Variants in DNM1 observed in about 807,000 individuals in gnomAD.
DNM1 encodes the protein dynamin 1.
DNM1 carries 29 observed loss-of-function variants against 104.6 expected under a neutral mutation model. That is an observed-to-expected ratio of 0.28 (90% CI 0.21 to 0.38). The LOEUF (loss-of-function observed/expected upper bound fraction) is 0.38, where lower values mean the gene tolerates loss of function less well. Ranked by LOEUF, DNM1 falls within the 10% of genes least tolerant of loss-of-function variation. DNM1 has a pLI of 1.00. For missense variants in DNM1, 640 were observed against 1,189.4 expected (o/e 0.54, Z 6.79); for synonymous variants, 445 against 475.8 (o/e 0.94, Z 0.84).
In DNM1 at chr9:128,245,761, C is replaced by T. The variant is rs970539390; in HGVS notation, c.1672-633C>T. Among the ~76,000 whole-genome samples, 1 of 152,236 alleles carries T rather than the reference C, an allele frequency of 6.6e-6. No homozygotes were observed. Among genetic ancestry groups the T allele is most frequent in the African/African-American group, 2.4e-5 (1 of 41,468 alleles). On this transcript the variant is annotated intron_variant, in intron 15 of 21. Transcript: ENST00000372923. The surrounding 1 kb of genome is among the most constrained non-coding windows in gnomAD (Gnocchi z 5.2). Reference sequence around the variant, plus strand: ...ACATCCACACTGAGATGCAGACACGCTGACACCGACACATGGTTCATGCTG... The same window carrying T: ...ACATCCACACTGAGATGCAGACACGTTGACACCGACACATGGTTCATGCTG...
At chr9:128,219,859 A>C in intron 4 of DNM1, 129 bp from the exon 5 acceptor site, 1 of 629,368 alleles carries the variant, frequency 1.6e-6, no homozygotes, top group South Asian at 2.4e-5. Flanking sequence ...GAAAATGAAT[A>C]AGGGGGAAAG....
intron 1 of DNM1, among the ~76,000 whole-genome samples, chr9:128,215,702 C>T (rs1158131654): frequency 2.0e-5 from 3 of 152,204 alleles, no homozygotes; most frequent in Non-Finnish European, 4.4e-5. Context: ...ACCAGGGCTG[C>T]GTGGGCCTGT....
rs199502300 is a variant in DNM1 at position 128,239,957 on chromosome 9, C to T, written c.1546-28C>T. On this transcript the variant is annotated intron_variant, in intron 13 of 21. Coordinates refer to ENST00000372923, the MANE Select transcript of DNM1 (RefSeq NM_004408.4). ...TCTCTCCTCTCTCCCCGATGCCTCT[C>T]GTGGTTGCTATGGTTACCTCTTTGC... The T allele has an allele frequency of 3.8e-5, 61 of 1,613,942 alleles. No homozygotes were observed. In the East Asian group the frequency reaches 1.2e-3, roughly 31 times the overall value.
chr9:128,217,189 G>T (rs1834661064), intron 1 of DNM1, among the ~76,000 whole-genome samples: 1 of 152,226 alleles, frequency 6.6e-6, no homozygotes, highest in Non-Finnish European at 1.5e-5. Context: ...AGGCGGCTCG[G>T]TTCACAGGGG....
At chr9:128,241,882 C>T (rs372626646) in intron 14 of DNM1, among the ~76,000 whole-genome samples, 3 of 152,208 alleles carry the variant, frequency 2.0e-5, no homozygotes, top group Non-Finnish European at 4.4e-5. Flanking sequence ...ACAGATGAGA[C>T]CTTAAGCTTC....
chr9:128,250,691 C>T, intron 20 of DNM1, 34 bp from the exon 21 acceptor site: 2 of 1,446,104 alleles, frequency 1.4e-6, no homozygotes, highest in African/African-American at 1.5e-5. Context: ...GCTCATCTCG[C>T]CTCTCCTTGT....
At chr9:128,237,423 G>A (rs1008646544) in intron 11 of DNM1, among the ~76,000 whole-genome samples, 33 of 151,896 alleles carry the variant, frequency 2.2e-4, no homozygotes, top group African/African-American at 5.6e-4. Context: ...CACCATGCCC[G>A]GCTAATTTTT....
rs1829711652 is a variant in DNM1, at chr9:128,254,264, C to A, written c.2535-390C>A. 2 of 1,379,994 alleles carry A rather than the reference C, an allele frequency of 1.4e-6. No individual in the cohort carries two copies. The allele number at this position is 1,379,994 out of a possible 1,614,324, so 85.5% of individuals were successfully genotyped here. A position where few individuals can be genotyped will look rare whatever the true frequency, so the allele number is the denominator to read the frequency against. On this transcript the variant is annotated intron_variant, in intron 21 of 21. Coordinates refer to ENST00000372923, the MANE Select transcript of DNM1 (RefSeq NM_004408.4). The surrounding 1 kb of genome is among the most constrained non-coding windows in gnomAD (Gnocchi z 6.1). ...CAGGCCTGGTGGCTGTTGCATGGGG[C>A]TCCCCAAGGCAAGGGGTGGCCCCAG...
chr9:128,244,460 C>T (rs569171678), intron 15 of DNM1, among the ~76,000 whole-genome samples: 1 of 152,124 alleles, frequency 6.6e-6, no homozygotes, highest in Non-Finnish European at 1.5e-5. Flanking sequence ...ACCACCAGCC[C>T]TCAGGTTTTG....
At chr9:128,230,515 A>G (rs1307916398) in intron 10 of DNM1, among the ~76,000 whole-genome samples, 1 of 150,942 alleles carries the variant, frequency 6.6e-6, no homozygotes, top group Admixed American at 6.6e-5. Context: ...CAATGGCGCA[A>G]TCTCGGCTCA....
At chr9:128,217,216 G>T (rs1181797374) in intron 1 of DNM1, among the ~76,000 whole-genome samples, 1 of 152,186 alleles carries the variant, frequency 6.6e-6, no homozygotes, top group African/African-American at 2.4e-5. Flanking sequence ...GGGCAGGGGA[G>T]TGTCACTGCA....
chr9:128,209,466 C>T (rs781593879), intron 1 of DNM1, among the ~76,000 whole-genome samples: 9 of 152,132 alleles, frequency 5.9e-5, no homozygotes, highest in South Asian at 2.1e-4. Context: ...CGTGGAGAAA[C>T]GGACGCCCAC....
chr9:128,254,439 CTG>C lies in DNM1; in HGVS notation c.2535-212_2535-211del. 3 of 1,461,806 alleles carry C rather than the reference CTG, an allele frequency of 2.1e-6. No homozygotes were observed. In the South Asian group the frequency reaches 4.2e-5, roughly 20 times the overall value. The allele number at this position is 1,461,806 out of a possible 1,614,324, so 90.6% of individuals were successfully genotyped here. A position where few individuals can be genotyped will look rare whatever the true frequency, so the allele number is the denominator to read the frequency against. On this transcript the variant is annotated intron_variant, in intron 21 of 21. Transcript: ENST00000372923. The surrounding 1 kb of genome is among the most constrained non-coding windows in gnomAD (Gnocchi z 6.1). ...GGCCGCCACAGCCCCCAGGCGCTATCTGTGAAGCTACGGCTCCTCCCTCCATC... is the reference window on the plus strand; with the variant it reads ...GGCCGCCACAGCCCCCAGGCGCTATCTGAAGCTACGGCTCCTCCCTCCATC...
chr9:128,228,870 C>G (rs760556177), intron 10 of DNM1, among the ~76,000 whole-genome samples: 1 of 151,928 alleles, frequency 6.6e-6, no homozygotes, highest in South Asian at 2.1e-4. Flanking sequence ...GTAGTCCCAG[C>G]TACTCAGGAG....
At chr9:128,241,014 G>A (rs1219710339) in intron 14 of DNM1, 1 of 152,424 alleles carries the variant, frequency 6.6e-6, no homozygotes, top group Non-Finnish European at 1.5e-5. Flanking sequence ...ACAGTGACAA[G>A]ACCCTGTGGG....
chr9:128,233,839 AAG>A, intron 10 of DNM1, 180 bp from the exon 11 acceptor site: 1 of 599,314 alleles, frequency 1.7e-6, no homozygotes, highest in South Asian at 1.9e-5. Flanking sequence ...ACTTGGGGGA[AAG>A]GGGTGGCCGT....
chr9:128,226,384 T>C (rs1163550998), intron 10 of DNM1, among the ~76,000 whole-genome samples: 1 of 152,238 alleles, frequency 6.6e-6, no homozygotes, highest in Non-Finnish European at 1.5e-5. Context: ...CCAAGCCTCC[T>C]TGGTGGCACC....
chr9:128,226,524 T>A (rs1835352567), intron 10 of DNM1, among the ~76,000 whole-genome samples: 1 of 152,126 alleles, frequency 6.6e-6, no homozygotes, highest in South Asian at 2.1e-4. Flanking sequence ...AAGACGTGGG[T>A]AGTGTTGTTA....
At chr9:128,213,738 G>C (rs540769472) in intron 1 of DNM1, among the ~76,000 whole-genome samples, 1 of 152,128 alleles carries the variant, frequency 6.6e-6, no homozygotes, top group African/African-American at 2.4e-5. Context: ...CTTTTGGTCA[G>C]TGCGGGTGTC....
Sources: allele counts gnomAD v4.1 joint callset (sites outside exome capture counted in the v4.1 genomes callset), GRCh38; gene constraint gnomAD v4.1.1; non-coding constraint Gnocchi (gnomAD v3.1); transcripts MANE v1.5; gene names NCBI Gene and HGNC (gene_info 2026-07-23, HGNC 2026-07-21).